The following HDAC9 variants were observed in gnomAD, a reference collection of about 807,000 sequenced individuals.
HDAC9 encodes MEF-2 interacting transcription repressor (MITR) protein.
In HDAC9, 41 loss-of-function variants were observed where a neutral mutation model predicts 139.4. That is an observed-to-expected ratio of 0.29 (90% confidence interval 0.23 to 0.38). The LOEUF (loss-of-function observed/expected upper bound fraction) is 0.38, where lower values mean the gene tolerates loss of function less well. Among genes scored for constraint, HDAC9 ranks in the 10% least tolerant of loss-of-function variants. HDAC9 has a pLI of 1.00. For missense variants in HDAC9, 1,147 were observed against 1,297.0 expected (o/e 0.88, Z 1.78); for synonymous variants, 517 against 476.2 (o/e 1.09, Z -1.12).
At chr7:18,816,680 A>G (rs1429075831) in intron 17 of HDAC9, among the ~76,000 whole-genome samples, 2 of 152,158 alleles carry the variant, frequency 1.3e-5, no homozygotes, top group Admixed American at 6.5e-5. Flanking sequence ...CCAATCCATT[A>G]CCAGAGAGTG....
intron 3 of HDAC9, among the ~76,000 whole-genome samples, chr7:18,585,866 A>G (rs558510942): frequency 2.6e-5 from 4 of 152,144 alleles, no homozygotes; most frequent in Admixed American, 2.6e-4. Context: ...CCCATTTCAT[A>G]TTTCATTTCT....
At chr7:18,410,192 G>A (rs761680798) in intron 1 of HDAC9, among the ~76,000 whole-genome samples, 1 of 152,072 alleles carries the variant, frequency 6.6e-6, no homozygotes, top group Non-Finnish European at 1.5e-5. Context: ...CTTTAGAAAT[G>A]GTTATTTTCT....
At chr7:18,855,718 G>A (rs1215442991) in intron 21 of HDAC9, among the ~76,000 whole-genome samples, 2 of 152,004 alleles carry the variant, frequency 1.3e-5, no homozygotes, top group African/African-American at 4.8e-5. Context: ...AGAAGGTGGA[G>A]AGGGGAAGAA....
intron 12 of HDAC9, among the ~76,000 whole-genome samples, chr7:18,693,663 T>G (rs907634388): frequency 6.6e-6 from 1 of 152,122 alleles, no homozygotes; most frequent in African/African-American, 2.4e-5. Flanking sequence ...TAGACTGGGA[T>G]TTCAAGGCCA....
intron 1 of HDAC9, among the ~76,000 whole-genome samples, chr7:18,473,157 C>G (rs918090757): frequency 1.3e-5 from 2 of 152,118 alleles, no homozygotes; most frequent in Admixed American, 1.3e-4. Flanking sequence ...TTACTTAACA[C>G]CCATTCAAAA....
At chr7:18,452,472 G>A (rs1454115765) in intron 1 of HDAC9, among the ~76,000 whole-genome samples, 3 of 152,270 alleles carry the variant, frequency 2.0e-5, no homozygotes, top group South Asian at 2.1e-4. Flanking sequence ...GAAACTACAG[G>A]TGGGAAGACC....
intron 2 of HDAC9, among the ~76,000 whole-genome samples, chr7:18,567,940 A>G (rs969024764): frequency 1.3e-5 from 2 of 150,470 alleles, no homozygotes; most frequent in Non-Finnish European, 3.0e-5. Flanking sequence ...ATTTCTAACC[A>G]TCCCTTTGCA....
intron 2 of HDAC9, among the ~76,000 whole-genome samples, chr7:18,269,332 G>C (rs1584934154): frequency 6.6e-6 from 1 of 152,130 alleles, no homozygotes; most frequent in Non-Finnish European, 1.5e-5. Flanking sequence ...AATGAGAAGT[G>C]GGTGTTTAAA....
chr7:18,822,972 A>G (rs1346533112), intron 17 of HDAC9, among the ~76,000 whole-genome samples: 2 of 152,230 alleles, frequency 1.3e-5, no homozygotes, highest in African/African-American at 4.8e-5. Flanking sequence ...ATGATATAAT[A>G]CTTTTATTTG....
intron 11 of HDAC9, among the ~76,000 whole-genome samples, chr7:18,660,429 C>T (rs991262332): frequency 2.6e-5 from 4 of 151,920 alleles, no homozygotes; most frequent in Non-Finnish European, 2.9e-5. Flanking sequence ...TGTTTTGTAA[C>T]GTAGGAGAAA....
At chr7:18,743,400 T>C (rs1787631816) in intron 13 of HDAC9, among the ~76,000 whole-genome samples, 1 of 152,230 alleles carries the variant, frequency 6.6e-6, no homozygotes, top group African/African-American at 2.4e-5. Context: ...AAATGCTTCT[T>C]ATCTAGTGAG....
intron 25 of HDAC9, among the ~76,000 whole-genome samples, chr7:18,981,885 T>C (rs2965029): frequency 0.021 from 3,143 of 151,890 alleles, 118 homozygotes; most frequent in African/African-American, 0.069. Context: ...GAAACAAACA[T>C]GAACAATCAA....
At chr7:18,757,464 T>C (rs184695445) in intron 14 of HDAC9, among the ~76,000 whole-genome samples, 13 of 152,330 alleles carry the variant, frequency 8.5e-5, no homozygotes, top group Admixed American at 7.2e-4. Context: ...AGCCCTTTCA[T>C]GTCCACAATA....
intron 2 of HDAC9, among the ~76,000 whole-genome samples, chr7:18,504,596 C>T (rs994665289): frequency 6.6e-6 from 1 of 152,198 alleles, no homozygotes; most frequent in Non-Finnish European, 1.5e-5. Flanking sequence ...TGAGCCGCTG[C>T]GCCCAGCCTA....
chr7:18,621,956 G>A (rs1840332462), intron 6 of HDAC9, among the ~76,000 whole-genome samples: 1 of 152,204 alleles, frequency 6.6e-6, no homozygotes, highest in Admixed American at 6.5e-5. Context: ...TACAATGCCA[G>A]CCTGGGTTAT....
chr7:18,424,989 A>G (rs186318966), intron 1 of HDAC9, among the ~76,000 whole-genome samples: 1 of 152,298 alleles, frequency 6.6e-6, no homozygotes, highest in Non-Finnish European at 1.5e-5. Flanking sequence ...GTATATTCAA[A>G]TTGCACATTA....
chr7:18,825,009 C>T (rs970517125), intron 17 of HDAC9, among the ~76,000 whole-genome samples: 9 of 152,216 alleles, frequency 5.9e-5, no homozygotes, highest in Admixed American at 6.5e-5. Flanking sequence ...TGGTCTCTGA[C>T]TTGAGCCACT....
chr7:18,157,680 T>C (rs369353017), intron 1 of HDAC9, among the ~76,000 whole-genome samples: 30 of 152,290 alleles, frequency 2.0e-4, no homozygotes, highest in African/African-American at 5.8e-4. Context: ...GGTTTCCATA[T>C]TGGGTAACAG....
At chr7:18,594,510 T>A (rs1239248356) in intron 6 of HDAC9, among the ~76,000 whole-genome samples, 1 of 152,094 alleles carries the variant, frequency 6.6e-6, no homozygotes, top group Non-Finnish European at 1.5e-5. Context: ...AGCTACCTTC[T>A]GAGTAAGTGA....
Sources: allele counts gnomAD v4.1 joint callset (sites outside exome capture counted in the v4.1 genomes callset), GRCh38; gene constraint gnomAD v4.1.1; transcripts MANE v1.5; gene names NCBI Gene and HGNC (gene_info 2026-07-23, HGNC 2026-07-21).